KLF5: variants seen among roughly 807,000 people sequenced by gnomAD.
KLF5 encodes the protein Krueppel-like factor 5.
A neutral mutation model predicts 36.9 loss-of-function variants in KLF5; 9 were observed. That is an observed-to-expected ratio of 0.24 (90% CI 0.15 to 0.43). The LOEUF is 0.43. KLF5 is among the 20% of genes least tolerant of loss of function. The pLI is 1.00. For synonymous variants in KLF5, 246 were observed against 241.7 expected, an observed-to-expected ratio of 1.02 and a Z score of -0.17; for missense variants, 524 against 599.5, an observed-to-expected ratio of 0.87 and a Z score of 1.31.
chr13:73,077,199 T>C lies in KLF5; in HGVS notation c.*1313T>C, dbSNP rs1171337033. On this transcript the variant is annotated 3_prime_UTR_variant, in exon 4 of 4. Transcript: ENST00000377687. ...ATATTGTTTATCTTTATTTATTTTG[T>C]GGTAATATAGTAAGTTTTTTTAGAA... 1 of 152,646 alleles carries C rather than the reference T, an allele frequency of 6.6e-6. No individual in the cohort carries two copies. The highest frequency in any genetic ancestry group is 2.4e-5 in the African/African-American group (1 of 41,442). The allele number at this position is 152,646 out of a possible 1,614,324, so 9.5% of individuals were successfully genotyped here.
intron 1 of KLF5, chr13:73,059,942 C>T (rs960146019): frequency 2.5e-5 from 7 of 282,672 alleles, no homozygotes; most frequent in Non-Finnish European, 3.7e-5. Context: ...TAAATTACGC[C>T]TTCGCCTGTA....
At chr13:73,057,125 T>C (rs1037887989), upstream of KLF5, among the ~76,000 whole-genome samples, 1 of 152,196 alleles carries the variant, frequency 6.6e-6, no homozygotes, top group African/African-American at 2.4e-5. Context: ...CACATTAAGA[T>C]ACAGCTACCG....
chr13:73,062,379 G>A lies in KLF5; in HGVS notation c.780G>A (p.Met260Ile). ...TTAATGTTTCTATGTCAGCTGCCAT[G>A]GCAGGCCTTAACACACACACCTCTG... ...DTLNVSMSAA[M>I]AGLNTHTSAV... Residue 260 changes from methionine to isoleucine, a missense_variant, in exon 2 of 4, where the codon ATG becomes ATA. Met to Ile is a conservative substitution (Grantham distance 10). Transcript: ENST00000377687. 6.2e-7 allele frequency: 1 copy of A among 1,614,170 alleles called. No individual in the cohort carries two copies.
intron 3 of KLF5, among the ~76,000 whole-genome samples, chr13:73,066,768 C>G (rs1472002915): frequency 6.6e-6 from 1 of 152,070 alleles, no homozygotes; most frequent in Non-Finnish European, 1.5e-5. Context: ...GATGATATAT[C>G]AGTTTCTTAA....
chr13:73,062,727 T>G lies in KLF5; in HGVS notation c.1128T>G (p.Asp376Glu), dbSNP rs201962342. 3 of 1,613,526 alleles carry G rather than the reference T, an allele frequency of 1.9e-6. No individual in the cohort carries two copies. The highest frequency in any genetic ancestry group is 2.5e-6 in the Non-Finnish European group (3 of 1,179,688). Residue 376 changes from aspartate (D) to glutamate (E), a missense_variant, in exon 2 of 4, where the codon GAT (aspartate) becomes GAG (glutamate). Asp to Glu is a conservative substitution (Grantham distance 45). Transcript: ENST00000377687. ...AGAAACGACGCATCCACTACTGCGA[T>G]TACCCTGGTATGTGCTCTTACCTGG... The part of the protein sequence containing the change: ...DLEKRRIHYC[D>E]YPGCTKVYTK...
Position 73,077,326 on chromosome 13 carries a change from G to T in KLF5, c.*1440G>T, listed in dbSNP as rs550586000. ...AACGATGTAAATAATTTTGTAAGAG[G>T]CTTCAAAATGTTTATACGTGGAAAC... On this transcript the variant is annotated 3_prime_UTR_variant, in exon 4 of 4. Transcript: ENST00000377687. The T allele has an allele frequency of 6.5e-6, 1 of 152,688 alleles. No individual in the cohort carries two copies. Among genetic ancestry groups the T allele is most frequent in the South Asian group, 2.1e-4 (1 of 4,832 alleles). 9.5% of individuals were successfully genotyped at this position (152,688 alleles called of 1,614,324 possible). A position where few individuals can be genotyped will look rare whatever the true frequency, so the allele number is the denominator to read the frequency against.
Position 73,075,927 on chromosome 13 carries a change from T to A in KLF5, c.*41T>A. 1 of 1,457,750 alleles carries A rather than the reference T, an allele frequency of 6.9e-7. No individual in the cohort carries two copies. Among genetic ancestry groups the A allele is most frequent in the Admixed American group, 2.0e-5 (1 of 49,452 alleles). 90.3% of individuals were successfully genotyped at this position (1,457,750 alleles called of 1,614,324 possible). ...CCCGTTCCAGGTCCCCTGGGCTCCC[T>A]CAAATGACAGACCTAACTATTCCTG... On this transcript the variant is annotated 3_prime_UTR_variant, in exon 4 of 4. Coordinates refer to ENST00000377687, the MANE Select transcript of KLF5 (RefSeq NM_001730.5).
chr13:73,075,666 A>AT, intron 3 of KLF5, 42 bp from the exon 4 acceptor site: 1 of 1,514,660 alleles, frequency 6.6e-7, no homozygotes, highest in South Asian at 1.2e-5. Context: ...GGATGTTTGC[A>AT]TTACAAGCAG....
At chr13:73,064,910 T>A (rs1416475586) in intron 3 of KLF5, among the ~76,000 whole-genome samples, 1 of 152,226 alleles carries the variant, frequency 6.6e-6, no homozygotes, top group East Asian at 1.9e-4. Context: ...CCAGGTGGCA[T>A]ACTTTAAAGG....
intron 3 of KLF5, among the ~76,000 whole-genome samples, chr13:73,070,402 C>G (rs58151207): frequency 4.9e-4 from 74 of 152,216 alleles, no homozygotes; most frequent in Middle Eastern, 3.4e-3. Flanking sequence ...AACGTCAGTG[C>G]GAACTCCCAT....
intron 3 of KLF5, among the ~76,000 whole-genome samples, chr13:73,072,223 G>A (rs947511877): frequency 4.9e-5 from 4 of 81,208 alleles, no homozygotes; most frequent in African/African-American, 1.4e-4. Context: ...GTCATTCAGA[G>A]GGGGGAAAAA....
At chr13:73,060,075 C>G (rs1398189079) in intron 1 of KLF5, among the ~76,000 whole-genome samples, 1 of 150,430 alleles carries the variant, frequency 6.6e-6, no homozygotes, top group Non-Finnish European at 1.5e-5. Context: ...GTGGCTCAAC[C>G]TGCTTTAGAA....
chr13:73,061,907 T>C lies in KLF5; in HGVS notation c.308T>C (p.Val103Ala), dbSNP rs913979799. ...EKYLTPQLPP[V>A]PIIPEHKKYR... ...TATCTGACACCTCAGCTTCCTCCAG[T>C]TCCTATAATTCCAGAGCATAAAAAG... is the stretch of plus-strand genomic sequence containing the variant. Residue 103 changes from valine to alanine, a missense_variant, in exon 2 of 4, where the codon GTT (valine) becomes GCT (alanine). This residue lies in a region of KLF5 where 454 missense variants were observed against 458.1 expected (regional missense o/e 0.99). Coordinates refer to ENST00000377687, the MANE Select transcript of KLF5 (RefSeq NM_001730.5). 1 of 1,613,990 alleles carries C rather than the reference T, an allele frequency of 6.2e-7. No individual in the cohort carries two copies. The highest frequency in any genetic ancestry group is 1.7e-5 in the Admixed American group (1 of 60,018).
rs113148226 is a variant in KLF5 at position 73,062,772 on chromosome 13, AGTGTGT to A, written c.1135+51_1135+56del. Reference sequence around the variant, plus strand: ...ACCTGGTTGAAGCATCAATAGATGTAGTGTGTGTGTGTGTGTGTCTGTGTGCGCGCG... The same window carrying A: ...ACCTGGTTGAAGCATCAATAGATGTAGTGTGTGTGTGTCTGTGTGCGCGCG... On this transcript the variant is annotated intron_variant, in intron 2 of 3. Coordinates refer to ENST00000377687, the MANE Select transcript of KLF5 (RefSeq NM_001730.5). 1.0e-4 allele frequency: 147 copies of A among 1,438,996 alleles called. No individual in the cohort carries two copies. In the East Asian group the frequency reaches 3.2e-3, roughly 31 times the overall value. 89.1% of individuals were successfully genotyped at this position (1,438,996 alleles called of 1,614,324 possible).
chr13:73,055,786 C>CT (rs903964731), upstream of KLF5, among the ~76,000 whole-genome samples: 1 of 151,868 alleles, frequency 6.6e-6, no homozygotes, highest in Non-Finnish European at 1.5e-5. Flanking sequence ...TATTCTTGTT[C>CT]TTTTTTCTGT....
intron 3 of KLF5, 92 bp from the exon 4 acceptor site, chr13:73,075,616 A>T (rs1465047219): frequency 3.6e-6 from 4 of 1,103,460 alleles, no homozygotes; most frequent in Non-Finnish European, 1.3e-6. Context: ...CTTGGCCAAG[A>T]TTTTTTTTTT....
rs1412328065 is a variant in KLF5, at chr13:73,077,351, C to T, written c.*1465C>T. On this transcript the variant is annotated 3_prime_UTR_variant, in exon 4 of 4. Transcript: ENST00000377687. Reference sequence around the variant, plus strand: ...GCTTCAAAATGTTTATACGTGGAAACACACCTACATGAAAAGCAGAAATCG... The same window carrying T: ...GCTTCAAAATGTTTATACGTGGAAATACACCTACATGAAAAGCAGAAATCG... 6.6e-6 allele frequency: 1 copy of T among 152,544 alleles called. No individual in the cohort carries two copies. Among genetic ancestry groups the T allele is most frequent in the Non-Finnish European group, 1.5e-5 (1 of 68,028 alleles). The allele number at this position is 152,544 out of a possible 1,614,324, so 9.4% of individuals were successfully genotyped here. A position where few individuals can be genotyped will look rare whatever the true frequency, so the allele number is the denominator to read the frequency against.
chr13:73,061,270 C>T lies in KLF5; in HGVS notation c.262-591C>T, dbSNP rs569567319. On this transcript the variant is annotated intron_variant, in intron 1 of 3. Coordinates refer to ENST00000377687, the MANE Select transcript of KLF5 (RefSeq NM_001730.5). ...TTGTTTCAGTGGATACAAGGTTTTG[C>T]TTAGAACGTTGTGTTTAATTTCTCA... Among the ~76,000 whole-genome samples, 4 of 152,232 alleles carry T rather than the reference C, an allele frequency of 2.6e-5. No individual in the cohort carries two copies. In the East Asian group the frequency reaches 7.7e-4, roughly 29 times the overall value.
chr13:73,075,654 T>C, intron 3 of KLF5, 54 bp from the exon 4 acceptor site: 1 of 1,440,480 alleles, frequency 6.9e-7, no homozygotes, highest in Non-Finnish European at 9.5e-7. Context: ...CGGTGTTATC[T>C]AGGATGTTTG....
Sources: gnomAD v4.1 joint callset for allele counts (sites outside exome capture counted in the v4.1 genomes callset) on GRCh38, gnomAD v4.1.1 for gene constraint, gnomAD v4.1.1 regional missense constraint, MANE v1.5 for transcripts, NCBI Gene and HGNC (gene_info 2026-07-23, HGNC 2026-07-21) for gene names.